SORCS2: variants seen among roughly 807,000 people sequenced by gnomAD.
The protein encoded by SORCS2 is VPS10 domain-containing receptor SorCS2.
In SORCS2, 100 loss-of-function variants were observed where a neutral mutation model predicts 141.6. The observed-to-expected ratio is 0.71, with a 90% confidence interval of 0.60 to 0.83. The LOEUF is 0.83. Among genes scored for constraint, SORCS2 ranks in the 40% least tolerant of loss-of-function variants. The pLI is 0.00. For synonymous variants in SORCS2, 789 were observed against 676.9 expected, an observed-to-expected ratio of 1.17 and a Z score of -2.57; for missense variants, 1,646 against 1,560.2, an observed-to-expected ratio of 1.05 and a Z score of -0.93.
intron 3 of SORCS2, among the ~76,000 whole-genome samples, chr4:7,603,886 G>T (rs2108798102): frequency 6.6e-6 from 1 of 152,298 alleles, no homozygotes; most frequent in African/African-American, 2.4e-5. Flanking sequence ...CTCACATGCA[G>T]CTGTAAGAAG....
At chr4:7,505,953 C>T (rs528251199) in intron 2 of SORCS2, among the ~76,000 whole-genome samples, 9 of 152,272 alleles carry the variant, frequency 5.9e-5, no homozygotes, top group Non-Finnish European at 1.0e-4. Flanking sequence ...TCCACTTCCG[C>T]GGCTATAAAA....
chr4:7,375,630 C>A (rs1217756722), intron 1 of SORCS2, among the ~76,000 whole-genome samples: 1 of 152,234 alleles, frequency 6.6e-6, no homozygotes, highest in Non-Finnish European at 1.5e-5. Flanking sequence ...TGCCCAGAAC[C>A]AGCCTGAGCC....
intron 1 of SORCS2, among the ~76,000 whole-genome samples, chr4:7,356,479 C>CATGGAGAGAG (rs376955040): frequency 2.0e-5 from 3 of 152,026 alleles, no homozygotes; most frequent in African/African-American, 4.8e-5. Flanking sequence ...AGTGTGTGAG[C>CATGGAGAGAG]ATGGAGAGAG....
chr4:7,518,157 T>C (rs111280179), intron 2 of SORCS2, among the ~76,000 whole-genome samples: 20 of 152,288 alleles, frequency 1.3e-4, no homozygotes, highest in African/African-American at 4.6e-4. Flanking sequence ...TTGTTCTCAA[T>C]TGTTTCATTA....
chr4:7,365,865 A>T (rs188630959), intron 1 of SORCS2, among the ~76,000 whole-genome samples: 1 of 152,210 alleles, frequency 6.6e-6, no homozygotes, highest in East Asian at 1.9e-4. Context: ...AGCCACCGCC[A>T]TCTGTCTTAC....
chr4:7,718,321 C>A (rs1726340985), intron 18 of SORCS2, 138 bp downstream of exon 18: 2 of 953,682 alleles, frequency 2.1e-6, no homozygotes, highest in Non-Finnish European at 3.0e-6. Context: ...CCTGTCCAGA[C>A]TGAAGGAGGC....
At chr4:7,731,659 T>C (rs13116923) in intron 23 of SORCS2, among the ~76,000 whole-genome samples, 18,940 of 152,162 alleles carry the variant, frequency 0.12, 1,280 homozygotes, top group Middle Eastern at 0.2. Context: ...AATAAATCCA[T>C]ACATGTACGG....
At chr4:7,390,929 C>T (rs1289979132) in intron 1 of SORCS2, among the ~76,000 whole-genome samples, 1 of 152,122 alleles carries the variant, frequency 6.6e-6, no homozygotes, top group African/African-American at 2.4e-5. Context: ...GTGGAGAAAC[C>T]GCGAACTCTG....
At chr4:7,621,529 A>G (rs571120340) in intron 3 of SORCS2, among the ~76,000 whole-genome samples, 59 of 144,168 alleles carry the variant, frequency 4.1e-4, no homozygotes, top group African/African-American at 1.4e-3. Flanking sequence ...GTGTGTGTCT[A>G]TGTGTGAGTA....
chr4:7,312,884 C>G (rs1351991971), intron 1 of SORCS2, among the ~76,000 whole-genome samples: 5 of 152,246 alleles, frequency 3.3e-5, no homozygotes, highest in African/African-American at 9.6e-5. Flanking sequence ...GACTTCTAGA[C>G]CAGCAGAAGG....
At chr4:7,202,130 T>A (rs972539746) in intron 1 of SORCS2, among the ~76,000 whole-genome samples, 2 of 152,158 alleles carry the variant, frequency 1.3e-5, no homozygotes, top group African/African-American at 4.8e-5. Context: ...GCACAGACCA[T>A]CCCTGACCTG....
intron 1 of SORCS2, among the ~76,000 whole-genome samples, chr4:7,305,087 C>T (rs1352739778): frequency 7.4e-5 from 11 of 149,474 alleles, no homozygotes; most frequent in Non-Finnish European, 3.0e-5. Context: ...GGCTGGAGTG[C>T]AGTGAGTGAT....
At chr4:7,241,404 C>A (rs1712688918) in intron 1 of SORCS2, among the ~76,000 whole-genome samples, 1 of 152,204 alleles carries the variant, frequency 6.6e-6, no homozygotes, top group African/African-American at 2.4e-5. Context: ...AGCATGAACG[C>A]TCCCAGTGGC....
At chr4:7,510,216 C>T (rs901314999) in intron 2 of SORCS2, among the ~76,000 whole-genome samples, 13 of 152,234 alleles carry the variant, frequency 8.5e-5, no homozygotes, top group African/African-American at 2.4e-4. Flanking sequence ...CCCTTCCCGT[C>T]GGGTGGAGCG....
intron 1 of SORCS2, among the ~76,000 whole-genome samples, chr4:7,359,769 T>C (rs574891528): frequency 6.6e-6 from 1 of 152,204 alleles, no homozygotes; most frequent in Admixed American, 6.5e-5. Context: ...GTCAACAGGA[T>C]TGAAAGTAAA....
chr4:7,592,379 G>A (rs1326313194), intron 3 of SORCS2, among the ~76,000 whole-genome samples: 1 of 152,164 alleles, frequency 6.6e-6, no homozygotes, highest in East Asian at 1.9e-4. Flanking sequence ...CTGAGCGTTG[G>A]TGTCCTCATT....
In SORCS2 at chr4:7,734,402, G is replaced by A. The variant is rs773749651; in HGVS notation, c.3311+28G>A. On this transcript the variant is annotated intron_variant, in intron 25 of 26. Transcript: ENST00000507866. ...AAGGCCCTTGGCTGCCCTCCTCTGC[G>A]GGGCTCTGACCATGGGGCCGTAGGA... 40 of 1,450,294 alleles carry A rather than the reference G, an allele frequency of 2.8e-5. No homozygotes were observed. In the Admixed American group the frequency reaches 4.0e-4, roughly 14 times the overall value. The allele number at this position is 1,450,294 out of a possible 1,614,324, so 89.8% of individuals were successfully genotyped here.
At chr4:7,255,295 G>A (rs1355274404) in intron 1 of SORCS2, among the ~76,000 whole-genome samples, 2 of 152,118 alleles carry the variant, frequency 1.3e-5, no homozygotes, top group Non-Finnish European at 2.9e-5. Context: ...GAGCTTCCTG[G>A]AGGAGGCGGC....
At chr4:7,470,437 T>G (rs1468975124) in intron 2 of SORCS2, among the ~76,000 whole-genome samples, 2 of 152,202 alleles carry the variant, frequency 1.3e-5, no homozygotes, top group Non-Finnish European at 2.9e-5. Flanking sequence ...ATTATTTCAC[T>G]CATCCATTCA....
Sources: allele counts gnomAD v4.1 joint callset (sites outside exome capture counted in the v4.1 genomes callset), GRCh38; gene constraint gnomAD v4.1.1; transcripts MANE v1.5; gene names NCBI Gene and HGNC (gene_info 2026-07-23, HGNC 2026-07-21).